Variants in CDHR2 observed in about 807,000 individuals in gnomAD.
CDHR2 encodes the protein cadherin-related family member 2.
CDHR2 carries 104 observed loss-of-function variants against 138.6 expected under a neutral mutation model. That is an observed-to-expected ratio of 0.75 (90% CI 0.64 to 0.88). The LOEUF is 0.88. Among genes scored for constraint, CDHR2 ranks in the 40% least tolerant of loss-of-function variants. The probability of loss-of-function intolerance (pLI) is 0.00; values close to 1 mark genes in which losing one functional copy is unlikely to be tolerated. For missense variants in CDHR2, 1,624 were observed against 1,727.6 expected (o/e 0.94, Z 1.06); for synonymous variants, 755 against 742.8 (o/e 1.02, Z -0.27).
Position 176,564,389 on chromosome 5 carries a change from T to C in CDHR2, c.-15-949T>C, listed in dbSNP as rs1758035981. 2.6e-5 allele frequency among the ~76,000 whole-genome samples: 4 copies of C among 152,194 alleles called. 1 individual carries two copies. The South Asian group carries it at 8.3e-4, about 31-fold the overall frequency. On this transcript the variant is annotated intron_variant, in intron 1 of 31. Coordinates refer to ENST00000261944, the MANE Select transcript of CDHR2 (RefSeq NM_017675.6). ...TTTTGTTAGAGACAGGGTTTCACCA[T>C]GTTGGTCGGGCTGGTCTTGAACTCC...
In CDHR2 at chr5:176,584,258, A is replaced by C; in HGVS notation, c.2127A>C (p.Pro709=). Residue 709 remains proline, a splice_region_variant and synonymous_variant, in exon 18 of 32, where the codon CCA becomes CCC. Transcript: ENST00000261944. Reference sequence around the variant, plus strand: ...ACTTTACGGTGAAGGAGGAGGATCCAGGTATGTGCTCCCTGGGCCAGGAGA... The same window carrying C: ...ACTTTACGGTGAAGGAGGAGGATCCCGGTATGTGCTCCCTGGGCCAGGAGA... The part of the protein sequence containing the change: ...SYNFTVKEED[P]GVLVGVVKAW... The C allele has an allele frequency of 6.2e-7, 1 of 1,613,932 alleles. No individual in the cohort carries two copies. The highest frequency in any genetic ancestry group is 8.5e-7 in the Non-Finnish European group (1 of 1,179,782).
chr5:176,560,419 A>T (rs1418538863), intron 1 of CDHR2, among the ~76,000 whole-genome samples: 4 of 152,058 alleles, frequency 2.6e-5, no homozygotes, highest in African/African-American at 7.2e-5. Context: ...AAAAAAAAAA[A>T]AAGACGCCAA....
intron 1 of CDHR2, among the ~76,000 whole-genome samples, chr5:176,556,067 C>G (rs1056120678): frequency 6.6e-6 from 1 of 152,256 alleles, no homozygotes; most frequent in African/African-American, 2.4e-5. Context: ...CCCTGCAACC[C>G]AGCCACAGGG....
chr5:176,581,524 T>G lies in CDHR2; in HGVS notation c.2000T>G (p.Val667Gly). ...LEGRIVLTVL[V>G]SDCGEPVLGT... is the part of the protein sequence containing the mutation. ...GGCCGCATTGTGCTGACAGTGCTTGTGTCTGACTGCGGCGAGCCTGTCCTC... is the reference window on the plus strand; with the variant it reads ...GGCCGCATTGTGCTGACAGTGCTTGGGTCTGACTGCGGCGAGCCTGTCCTC... The change falls in exon 17 of 32, where the codon GTG (valine) becomes GGG (glycine). Residue 667 changes from valine to glycine, a missense_variant. Physicochemically the swap from Val to Gly is moderately radical, Grantham distance 109. This residue lies in a region of CDHR2 where 1,061 missense variants were observed against 1,136.6 expected (regional missense o/e 0.93). Coordinates refer to ENST00000261944, the MANE Select transcript of CDHR2 (RefSeq NM_017675.6). The G allele has an allele frequency of 4.3e-6, 7 of 1,614,188 alleles. No individual in the cohort carries two copies. The highest frequency in any genetic ancestry group is 5.9e-6 in the Non-Finnish European group (7 of 1,180,050).
At position 176,595,555 on chromosome 5, in the gene CDHR2, A is replaced by C. The variant is rs1250726631; in HGVS notation, c.3816A>C (p.Pro1272=). The C allele has an allele frequency of 6.2e-7, 1 of 1,610,332 alleles. No homozygotes were observed. Among genetic ancestry groups the C allele is most frequent in the Middle Eastern group, 1.7e-4 (1 of 6,042 alleles). The stretch of plus-strand genomic sequence containing the variant: ...AGGAGCACAGGCCACCACACACACC[A>C]CCAGAGCCAGATCCAGAGCCCCTGA... The part of the protein sequence containing the change: ...EIKEHRPPHT[P]PEPDPEPLSV... Residue 1272 remains proline (P), a synonymous_variant, in exon 32 of 32, where the codon CCA becomes CCC. Transcript: ENST00000261944.
rs1299295019 is a variant in CDHR2 at position 176,543,995 on chromosome 5, C to G, written c.-16+1226C>G. Among the ~76,000 whole-genome samples, 1 of 152,260 alleles carries G rather than the reference C, an allele frequency of 6.6e-6. No homozygotes were observed. The highest frequency in any genetic ancestry group is 1.5e-5 in the Non-Finnish European group (1 of 68,054). ...TCCCGGCGCCGGAGGGTAGCCCCAC[C>G]GTCCCCGCCTCCTGGGCGCATTAGG... is the stretch of plus-strand genomic sequence containing the variant. On this transcript the variant is annotated intron_variant, in intron 1 of 31. Transcript: ENST00000510636. This position sits in a 1 kb window ranked among gnomAD's most constrained non-coding sequence, Gnocchi z 4.0.
Position 176,553,834 on chromosome 5 carries a change from C to A in CDHR2, c.-16+4420C>A, listed in dbSNP as rs908389277. Among the ~76,000 whole-genome samples, 1 of 152,184 alleles carries A rather than the reference C, an allele frequency of 6.6e-6. No homozygotes were observed. Among genetic ancestry groups the A allele is most frequent in the Non-Finnish European group, 1.5e-5 (1 of 68,036 alleles). On this transcript the variant is annotated intron_variant, in intron 1 of 31. Transcript: ENST00000261944. The surrounding 1 kb of genome is among the most constrained non-coding windows in gnomAD (Gnocchi z 4.3). ...GCATGTCCGTCCCTACTTACCACCACCAGTGCCACCCCTACCCCCGAGGGA... is the reference window on the plus strand; with the variant it reads ...GCATGTCCGTCCCTACTTACCACCAACAGTGCCACCCCTACCCCCGAGGGA...
upstream of CDHR2, among the ~76,000 whole-genome samples, chr5:176,546,184 G>C (rs1217791533): frequency 2.0e-5 from 3 of 152,166 alleles, no homozygotes; most frequent in Non-Finnish European, 4.4e-5. Context: ...CCTTCAGAGA[G>C]GAATCTGACG....
rs763073746 is a variant in CDHR2, at chr5:176,571,212, G to T, written c.316-1G>T. On this transcript the variant is annotated splice_acceptor_variant, in intron 5 of 31. Transcript: ENST00000261944. LOFTEE classifies it high-confidence loss of function. ...GGTCCCCTGGGCTTTCTCACTTGCA[G>T]GTGCAGAGGGAGATGCTGGTGATTG... 4 of 1,610,666 alleles carry T rather than the reference G, an allele frequency of 2.5e-6. No homozygotes were observed. The Admixed American group carries it at 6.7e-5, about 27-fold the overall frequency.
chr5:176,550,503 G>A (rs1359819031), intron 1 of CDHR2, among the ~76,000 whole-genome samples: 1 of 152,204 alleles, frequency 6.6e-6, no homozygotes, highest in Non-Finnish European at 1.5e-5. Context: ...CTTGCCCAGG[G>A]ACCCCTGGAT....
upstream of CDHR2, among the ~76,000 whole-genome samples, chr5:176,545,142 G>A (rs1355883584): frequency 6.6e-6 from 1 of 152,038 alleles, no homozygotes; most frequent in Non-Finnish European, 1.5e-5. Flanking sequence ...TGGGGACAGA[G>A]TCTCACTCTG....
intron 28 of CDHR2, 109 bp downstream of exon 28, chr5:176,590,796 A>G (rs149164104): frequency 3.7e-4 from 527 of 1,434,860 alleles, no homozygotes; most frequent in Admixed American, 2.8e-4. Context: ...GTATACATGC[A>G]TTCACTCCCC....
intron 21 of CDHR2, among the ~76,000 whole-genome samples, chr5:176,588,572 AGAGTGT>A (rs1758743446): frequency 7.2e-6 from 1 of 139,454 alleles, no homozygotes; most frequent in African/African-American, 2.9e-5. Context: ...ACAGTGTGTG[AGAGTGT>A]GTGTGAGGGT....
At position 176,590,449 on chromosome 5, in the gene CDHR2, G is replaced by T; in HGVS notation, c.3378G>T (p.Ser1126=). ...GGATGATCCGGAATGATCAGGACTC[G>T]CTGACGCAGCTGCTGCAGCTGGGGC... is the stretch of plus-strand genomic sequence containing the variant. ...LSVMIRNDQD[S]LTQLLQLGLV... is the part of the protein sequence containing the mutation. Residue 1126 remains serine, a synonymous_variant, in exon 27 of 32, where the codon TCG becomes TCT. Transcript: ENST00000261944. 6.2e-7 allele frequency: 1 copy of T among 1,614,002 alleles called. No individual in the cohort carries two copies. Among genetic ancestry groups the T allele is most frequent in the South Asian group, 1.1e-5 (1 of 91,084 alleles).
Position 176,569,028 on chromosome 5 carries a change from G to C in CDHR2, c.315+18G>C. 5 of 1,613,020 alleles carry C rather than the reference G, an allele frequency of 3.1e-6. No homozygotes were observed. Among genetic ancestry groups the C allele is most frequent in the Non-Finnish European group, 4.2e-6 (5 of 1,179,146 alleles). ...ACATCCAGGTGAGTTGGGAGGTGCAGGGGGGTAGACAGGGATTGCGAGAGT... is the reference window on the plus strand; with the variant it reads ...ACATCCAGGTGAGTTGGGAGGTGCACGGGGGTAGACAGGGATTGCGAGAGT... On this transcript the variant is annotated intron_variant, in intron 5 of 31. Coordinates refer to ENST00000261944, the MANE Select transcript of CDHR2 (RefSeq NM_017675.6).
At position 176,581,362 on chromosome 5, in the gene CDHR2, C is replaced by T. The variant is rs1310125006; in HGVS notation, c.1838C>T (p.Pro613Leu). 15 of 1,613,752 alleles carry T rather than the reference C, an allele frequency of 9.3e-6. No homozygotes were observed. Among genetic ancestry groups the T allele is most frequent in the East Asian group, 2.2e-5 (1 of 44,886 alleles). The change falls in exon 17 of 32, where the codon CCG becomes CTG. Residue 613 changes from proline (P) to leucine (L), a missense_variant. By Grantham distance (98) the Pro-to-Leu change is moderately conservative (BLOSUM62 -3). Transcript: ENST00000261944. ...VTIQAHDNDE[P>L]GTNNSRLLFN... ...GCACAGGCCCACGACAATGATGAGC[C>T]GGGCACCAACAACAGCCGTCTGCTC... is the stretch of plus-strand genomic sequence containing the variant.
intron 28 of CDHR2, 21 bp from the exon 29 acceptor site, chr5:176,591,189 C>A (rs565635269): frequency 6.5e-7 from 1 of 1,545,966 alleles, no homozygotes; most frequent in Admixed American, 1.7e-5. Flanking sequence ...ACAGTGTGAC[C>A]CCTCTTCCGG....
chr5:176,571,286 C>A lies in CDHR2; in HGVS notation c.389C>A (p.Ser130Tyr). The A allele has an allele frequency of 6.2e-7, 1 of 1,607,882 alleles. No individual in the cohort carries two copies. The highest frequency in any genetic ancestry group is 1.1e-5 in the South Asian group (1 of 90,460). Residue 130 changes from serine (S) to tyrosine (Y), a missense_variant, in exon 6 of 32, where the codon TCC becomes TAC. Transcript: ENST00000261944. ...NAPVFQNTAF[S>Y]TSINETLPVG... ...CCCGTTTTCCAGAACACCGCTTTCT[C>A]CACCAGCATCAACGAGGTGACACCT...
chr5:176,559,887 G>GTTAA (rs1287225235), intron 1 of CDHR2, among the ~76,000 whole-genome samples: 1 of 152,166 alleles, frequency 6.6e-6, no homozygotes. Flanking sequence ...GTGGGTAGAG[G>GTTAA]ACAGAGGTGT....
Sources: gnomAD v4.1 joint callset for allele counts (sites outside exome capture counted in the v4.1 genomes callset) on GRCh38, gnomAD v4.1.1 for gene constraint, gnomAD v4.1.1 regional missense constraint, Gnocchi (gnomAD v3.1) non-coding constraint, MANE v1.5 for transcripts, NCBI Gene and HGNC (gene_info 2026-07-23, HGNC 2026-07-21) for gene names.